Variants in PTCHD4 observed in about 807,000 individuals in gnomAD.
PTCHD4 encodes the protein patched domain containing 4, also known as patched domain-containing protein 4.
In PTCHD4, 33 loss-of-function variants were observed where a neutral mutation model predicts 58.1. The observed-to-expected ratio is 0.57, with a 90% confidence interval of 0.43 to 0.76. PTCHD4 has a LOEUF of 0.76. Among genes scored for constraint, PTCHD4 ranks in the 30% least tolerant of loss-of-function variants. PTCHD4 has a pLI of 0.00. For missense variants in PTCHD4, 1,058 were observed against 1,027.1 expected, an observed-to-expected ratio of 1.03 and a Z score of -0.41; for synonymous variants, 478 against 409.6, an observed-to-expected ratio of 1.17 and a Z score of -2.02.
rs112109486 is a variant in PTCHD4, at chr6:47,861,047, A to G, written c.*17256T>C. On this transcript the variant is annotated 3_prime_UTR_variant, in exon 5 of 5. Coordinates refer to ENST00000339488, the MANE Select transcript of PTCHD4 (RefSeq NM_001384253.1). The stretch of plus-strand genomic sequence containing the variant: ...ATCATTATTTTAGTGGAACATTTCA[A>G]TCGCAGTCTAATTATTGAGCTCTCC... 1.6e-3 allele frequency among the ~76,000 whole-genome samples: 243 copies of G among 152,080 alleles called. No homozygotes were observed. The highest frequency in any genetic ancestry group is 2.6e-3 in the Admixed American group (39 of 15,252).
intron 3 of PTCHD4, among the ~76,000 whole-genome samples, chr6:48,035,945 T>C (rs1227741031): frequency 1.3e-5 from 2 of 152,110 alleles, no homozygotes; most frequent in African/African-American, 4.8e-5. Flanking sequence ...AAAAATCCCA[T>C]TGCAGTGCTC....
At chr6:47,901,493 G>A in intron 4 of PTCHD4, 1 of 979,300 alleles carries the variant, frequency 1.0e-6, no homozygotes, top group Non-Finnish European at 1.2e-6. Context: ...AACTTCATCA[G>A]TCAGTATTTA....
rs1764905431 is a variant in PTCHD4 at position 48,068,885 on chromosome 6, G to T, written c.5+68C>A. Reference sequence around the variant, plus strand: ...GACAGCGCGCGTGGGGGCGGGCGGCGGGCGCCGCGGGGCCCACCCCCTCCC... The same window carrying T: ...GACAGCGCGCGTGGGGGCGGGCGGCTGGCGCCGCGGGGCCCACCCCCTCCC... On this transcript the variant is annotated intron_variant, in intron 2 of 4. Coordinates refer to ENST00000339488, the MANE Select transcript of PTCHD4 (RefSeq NM_001384253.1). This position sits in a 1 kb window ranked among gnomAD's most constrained non-coding sequence, Gnocchi z 4.2. 6.6e-6 allele frequency among the ~76,000 whole-genome samples: 1 copy of T among 151,508 alleles called. No homozygotes were observed. The highest frequency in any genetic ancestry group is 1.5e-5 in the Non-Finnish European group (1 of 67,808).
At chr6:47,884,703 G>T (rs545047238) in intron 4 of PTCHD4, among the ~76,000 whole-genome samples, 25 of 152,272 alleles carry the variant, frequency 1.6e-4, no homozygotes, top group African/African-American at 6.0e-4. Context: ...CTCCATTCAA[G>T]TTCTGGACTT....
intron 3 of PTCHD4, among the ~76,000 whole-genome samples, chr6:48,047,664 G>A (rs753872683): frequency 1.3e-5 from 2 of 151,734 alleles, no homozygotes; most frequent in South Asian, 2.1e-4. Flanking sequence ...GAAGTGACTA[G>A]GTAATCTGGG....
chr6:47,882,966 C>T (rs1171547361), intron 4 of PTCHD4, among the ~76,000 whole-genome samples: 1 of 151,394 alleles, frequency 6.6e-6, no homozygotes, highest in African/African-American at 2.4e-5. Flanking sequence ...TGCCCATTAA[C>T]TTCTTTTTGA....
At position 48,041,894 on chromosome 6, in the gene PTCHD4, TA is replaced by T. The variant is rs539773455; in HGVS notation, c.417+26335del. On this transcript the variant is annotated intron_variant, in intron 3 of 4. Coordinates refer to ENST00000339488, the MANE Select transcript of PTCHD4 (RefSeq NM_001384253.1). ...TATTTGTGAATGTTTATATAACTAG[TA>T]AAAAAAATTAAAAGTGTTTGGATTG... Among the ~76,000 whole-genome samples, 825 of 151,996 alleles carry T rather than the reference TA, an allele frequency of 5.4e-3. 4 individuals are homozygous for T. The highest frequency in any genetic ancestry group is 9.7e-3 in the Non-Finnish European group (660 of 67,918).
chr6:47,894,358 G>C (rs935729024), intron 4 of PTCHD4, among the ~76,000 whole-genome samples: 1 of 152,196 alleles, frequency 6.6e-6, no homozygotes, highest in Non-Finnish European at 1.5e-5. Flanking sequence ...AGGATAGCAG[G>C]TGGGGAAGAT....
intron 1 of PTCHD4, among the ~76,000 whole-genome samples, chr6:48,081,055 G>T (rs377090987): frequency 6.6e-6 from 1 of 152,136 alleles, no homozygotes; most frequent in East Asian, 1.9e-4. Flanking sequence ...AAAATATAAA[G>T]AGGCATGGAA....
chr6:48,094,164 A>G (rs1765417796), intron 1 of PTCHD4, among the ~76,000 whole-genome samples: 1 of 152,212 alleles, frequency 6.6e-6, no homozygotes, highest in Non-Finnish European at 1.5e-5. Context: ...CGTTTCAGAT[A>G]AAAAGGAATG....
intron 3 of PTCHD4, among the ~76,000 whole-genome samples, chr6:48,038,107 A>C (rs1487850795): frequency 2.0e-5 from 3 of 152,092 alleles, no homozygotes; most frequent in Non-Finnish European, 4.4e-5. Flanking sequence ...AGTGAGAATG[A>C]AGGGGTAACT....
At chr6:48,041,276 T>G (rs568954947) in intron 3 of PTCHD4, among the ~76,000 whole-genome samples, 1 of 152,168 alleles carries the variant, frequency 6.6e-6, no homozygotes, top group Admixed American at 6.6e-5. Flanking sequence ...TCTGACCATG[T>G]TCACTTTCCC....
At chr6:47,954,988 C>T (rs1766797863) in intron 4 of PTCHD4, among the ~76,000 whole-genome samples, 1 of 152,140 alleles carries the variant, frequency 6.6e-6, no homozygotes, top group Admixed American at 6.5e-5. Context: ...CAACCCTGGC[C>T]AAAGTCTCAG....
At chr6:48,027,736 T>C (rs1227453941) in intron 3 of PTCHD4, among the ~76,000 whole-genome samples, 1 of 152,146 alleles carries the variant, frequency 6.6e-6, no homozygotes, top group African/African-American at 2.4e-5. Context: ...TATGAAGAAG[T>C]GTATGACTAT....
chr6:47,914,339 G>T (rs1328968), intron 4 of PTCHD4, among the ~76,000 whole-genome samples: 80,547 of 151,870 alleles, frequency 0.53, 23,569 homozygotes, highest in East Asian at 0.78. Flanking sequence ...GATGAGATTC[G>T]CATTTGAATT....
chr6:47,945,899 C>T (rs1384978508), intron 4 of PTCHD4, among the ~76,000 whole-genome samples: 1 of 151,648 alleles, frequency 6.6e-6, no homozygotes. Context: ...ACCAATTTAG[C>T]TTCATTGTTC....
chr6:48,068,573 T>C lies in PTCHD4; in HGVS notation c.74A>G (p.Gln25Arg). The change falls in exon 3 of 5, where the codon CAG becomes CGG. Residue 25 changes from glutamine to arginine, a missense_variant. Physicochemically the swap from Gln to Arg is conservative, Grantham distance 43. Coordinates refer to ENST00000339488, the MANE Select transcript of PTCHD4 (RefSeq NM_001384253.1). This position sits in a 1 kb window ranked among gnomAD's most constrained non-coding sequence, Gnocchi z 4.2. ...MLRQVLRRGLQSFCHRLGLCV... is the reference protein window; with the variant it reads ...MLRQVLRRGLRSFCHRLGLCV... The stretch of plus-strand genomic sequence containing the variant: ...CAAACCCAGCCTGTGGCAGAACGAC[T>C]GGAGCCCTCTGCGAAGCACCTGCCG... 1 of 1,572,830 alleles carries C rather than the reference T, an allele frequency of 6.4e-7. No homozygotes were observed. The highest frequency in any genetic ancestry group is 8.6e-7 in the Non-Finnish European group (1 of 1,164,554).
chr6:47,931,080 C>T lies in PTCHD4; in HGVS notation c.899-51144G>A, dbSNP rs1034007283. Among the ~76,000 whole-genome samples, 5 of 152,330 alleles carry T rather than the reference C, an allele frequency of 3.3e-5. No homozygotes were observed. The South Asian group carries it at 6.2e-4, about 19-fold the overall frequency. ...GATTACAGGCGTGAGCCACCGCACC[C>T]GGCCGAGCATTGTGTTTTATTTGAC... is the stretch of plus-strand genomic sequence containing the variant. On this transcript the variant is annotated intron_variant, in intron 4 of 4. Transcript: ENST00000339488.
intron 4 of PTCHD4, among the ~76,000 whole-genome samples, chr6:47,922,054 C>G (rs552719303): frequency 1.3e-5 from 2 of 151,848 alleles, no homozygotes; most frequent in South Asian, 4.2e-4. Context: ...GGGAGGATTG[C>G]TTGAGCCCAG....
Sources: allele counts gnomAD v4.1 joint callset (sites outside exome capture counted in the v4.1 genomes callset), GRCh38; gene constraint gnomAD v4.1.1; non-coding constraint Gnocchi (gnomAD v3.1); transcripts MANE v1.5; gene names NCBI Gene and HGNC (gene_info 2026-07-23, HGNC 2026-07-21).